The following EIPR1 variants were observed in gnomAD, a reference collection of about 807,000 sequenced individuals.
EIPR1 encodes EARP and GARP complex-interacting protein 1.
In EIPR1, 25 loss-of-function variants were observed where a neutral mutation model predicts 48.1. That is an observed-to-expected ratio of 0.52 (90% CI 0.38 to 0.73). The LOEUF (loss-of-function observed/expected upper bound fraction) is 0.73, where lower values mean the gene tolerates loss of function less well. Among genes scored for constraint, EIPR1 ranks in the 30% least tolerant of loss-of-function variants. EIPR1 has a pLI of 0.00. For synonymous variants in EIPR1, 204 were observed against 201.9 expected (o/e 1.01, Z -0.09); for missense variants, 415 against 506.2 (o/e 0.82, Z 1.73).
At chr2:3,208,647 C>A (rs1334782643) in intron 5 of EIPR1, 2 of 1,550,618 alleles carry the variant, frequency 1.3e-6, no homozygotes, top group Non-Finnish European at 8.7e-7. Flanking sequence ...GTATGCTTGG[C>A]ATATGGCTGA....
chr2:3,193,259 C>T (rs540509361), intron 7 of EIPR1, among the ~76,000 whole-genome samples: 4 of 152,332 alleles, frequency 2.6e-5, no homozygotes, highest in African/African-American at 7.2e-5. Context: ...ACTACCAATC[C>T]GGGGTTTTAA....
rs1303504230 is a variant in EIPR1 at position 3,334,712 on chromosome 2, T to G, written c.259+3305A>C. 2.0e-5 allele frequency among the ~76,000 whole-genome samples: 3 copies of G among 152,268 alleles called. No homozygotes were observed. The East Asian group carries it at 5.8e-4, about 29-fold the overall frequency. ...CTGGAAAACAGCCTTCCCTGTGGGA[T>G]GTAAATCTCAGTTCTGCTATGGCAG... On this transcript the variant is annotated intron_variant, in intron 3 of 8. Coordinates refer to ENST00000382125, the MANE Select transcript of EIPR1 (RefSeq NM_003310.5).
Position 3,279,003 on chromosome 2 carries a change from A to G in EIPR1, c.260-21548T>C, listed in dbSNP as rs541282691. Reference sequence around the variant, plus strand: ...CCATTTTTTTATGCCTACAGAAGGAAACAGTGACATCTGCTTGACATCAAA... The same window carrying G: ...CCATTTTTTTATGCCTACAGAAGGAGACAGTGACATCTGCTTGACATCAAA... On this transcript the variant is annotated intron_variant, in intron 3 of 8. Transcript: ENST00000382125. Among the ~76,000 whole-genome samples the G allele has an allele frequency of 2.8e-4, 42 of 152,304 alleles. 2 individuals are homozygous for G. The South Asian group carries it at 8.5e-3, about 31-fold the overall frequency.
chr2:3,232,590 A>G (rs1558239485), intron 4 of EIPR1, among the ~76,000 whole-genome samples: 1 of 152,124 alleles, frequency 6.6e-6, no homozygotes, highest in Non-Finnish European at 1.5e-5. Flanking sequence ...GCTAGAATTT[A>G]CGTTGAGGTG....
intron 3 of EIPR1, among the ~76,000 whole-genome samples, chr2:3,305,357 C>T (rs1435970655): frequency 6.6e-6 from 1 of 150,686 alleles, no homozygotes; most frequent in Non-Finnish European, 1.5e-5. Context: ...TCCCGTTCAG[C>T]CCTCCAGTCC....
intron 4 of EIPR1, among the ~76,000 whole-genome samples, chr2:3,244,807 A>T (rs1019492405): frequency 6.6e-6 from 1 of 152,228 alleles, no homozygotes; most frequent in African/African-American, 2.4e-5. Flanking sequence ...AAATGGACTA[A>T]GGCGTTTTCT....
chr2:3,273,459 A>G (rs1667756494), intron 3 of EIPR1, among the ~76,000 whole-genome samples: 1 of 152,110 alleles, frequency 6.6e-6, no homozygotes, highest in African/African-American at 2.4e-5. Context: ...AAAACCCACA[A>G]CCTCATTACA....
At chr2:3,327,374 G>A (rs35639989) in intron 3 of EIPR1, among the ~76,000 whole-genome samples, 1 of 151,872 alleles carries the variant, frequency 6.6e-6, no homozygotes, top group South Asian at 2.1e-4. Flanking sequence ...AGTAGAGATG[G>A]GGTTTCACCA....
intron 5 of EIPR1, among the ~76,000 whole-genome samples, chr2:3,205,898 G>A (rs1443630222): frequency 6.6e-6 from 1 of 152,240 alleles, no homozygotes; most frequent in African/African-American, 2.4e-5. Flanking sequence ...TCCAGACAGT[G>A]CCTAGCACGT....
chr2:3,227,133 G>A (rs1289106666), intron 4 of EIPR1, among the ~76,000 whole-genome samples: 1 of 139,082 alleles, frequency 7.2e-6, no homozygotes, highest in Admixed American at 7.8e-5. Context: ...GTAACAGGCA[G>A]AGGTTGGAAC....
chr2:3,227,488 G>C (rs556069944), intron 4 of EIPR1, among the ~76,000 whole-genome samples: 1 of 152,340 alleles, frequency 6.6e-6, no homozygotes, highest in African/African-American at 2.4e-5. Context: ...AGAGGAAGCA[G>C]AGCATAAAAG....
intron 2 of EIPR1, among the ~76,000 whole-genome samples, chr2:3,342,667 T>C (rs1670286807): frequency 1.3e-5 from 2 of 152,218 alleles, no homozygotes. Flanking sequence ...ACTCAGCTCC[T>C]GGATGCACGC....
At chr2:3,340,593 A>G (rs1228883485) in intron 2 of EIPR1, among the ~76,000 whole-genome samples, 1 of 152,240 alleles carries the variant, frequency 6.6e-6, no homozygotes, top group East Asian at 1.9e-4. Flanking sequence ...TGGACCTGTT[A>G]CACATTTTAT....
At chr2:3,202,866 A>T (rs1358787011) in intron 5 of EIPR1, among the ~76,000 whole-genome samples, 1 of 152,260 alleles carries the variant, frequency 6.6e-6, no homozygotes, top group Non-Finnish European at 1.5e-5. Flanking sequence ...TAATTAATTA[A>T]GCCATCAACC....
intron 3 of EIPR1, among the ~76,000 whole-genome samples, chr2:3,332,595 T>C (rs1669934016): frequency 6.6e-6 from 1 of 152,240 alleles, no homozygotes; most frequent in Non-Finnish European, 1.5e-5. Context: ...CCAGTTACTG[T>C]TGAGATCTCT....
At chr2:3,261,196 C>A (rs907640394) in intron 3 of EIPR1, among the ~76,000 whole-genome samples, 1 of 151,984 alleles carries the variant, frequency 6.6e-6, no homozygotes, top group African/African-American at 2.4e-5. Flanking sequence ...GCTCAACTGG[C>A]AGAGGGCTGT....
At chr2:3,240,213 T>C (rs1231021733) in intron 4 of EIPR1, among the ~76,000 whole-genome samples, 2 of 54,196 alleles carry the variant, frequency 3.7e-5, no homozygotes, top group African/African-American at 1.2e-4. Context: ...AGACTCTTCC[T>C]AAAGAAAGCA....
chr2:3,370,183 C>G (rs1671079437), intron 1 of EIPR1, among the ~76,000 whole-genome samples: 1 of 152,212 alleles, frequency 6.6e-6, no homozygotes, highest in Non-Finnish European at 1.5e-5. Flanking sequence ...AGGGTCCTGT[C>G]TGTTAGAAGG....
chr2:3,242,362 C>T (rs376232042), intron 4 of EIPR1, among the ~76,000 whole-genome samples: 43 of 14,008 alleles, frequency 3.1e-3, no homozygotes, highest in Admixed American at 0.015. Flanking sequence ...CGACTCCACA[C>T]CCACTGACGG....
Sources: gnomAD v4.1 joint callset for allele counts (sites outside exome capture counted in the v4.1 genomes callset) on GRCh38, gnomAD v4.1.1 for gene constraint, MANE v1.5 for transcripts, NCBI Gene and HGNC (gene_info 2026-07-23, HGNC 2026-07-21) for gene names.